ANKFY1: variants seen among roughly 807,000 people sequenced by gnomAD.
The protein encoded by ANKFY1 is ankyrin repeat and FYVE domain containing 1.
ANKFY1 carries 47 observed loss-of-function variants against 128.3 expected under a neutral mutation model. The ratio of observed to expected loss-of-function variants is 0.37; its 90% CI spans 0.29 to 0.47. ANKFY1 has a LOEUF of 0.47. Ranked by LOEUF, ANKFY1 falls within the 20% of genes least tolerant of loss-of-function variation. The probability of loss-of-function intolerance (pLI) is 1.00; values close to 1 mark genes in which losing one functional copy is unlikely to be tolerated. For missense variants in ANKFY1, 1,222 were observed against 1,510.6 expected (o/e 0.81, Z 3.17); for synonymous variants, 553 against 601.6 (o/e 0.92, Z 1.18).
chr17:4,216,558 G>A (rs980933983), intron 4 of ANKFY1: 7 of 264,568 alleles, frequency 2.6e-5, no homozygotes, highest in South Asian at 1.3e-4. Flanking sequence ...CACTTATTTG[G>A]ACAATATTTT....
At position 4,204,027 on chromosome 17, in the gene ANKFY1, C is replaced by T. The variant is rs140522674; in HGVS notation, c.898+2294G>A. Among the ~76,000 whole-genome samples, 33 of 152,170 alleles carry T rather than the reference C, an allele frequency of 2.2e-4. 1 individual carries two copies. In the East Asian group the frequency reaches 4.1e-3, roughly 19 times the overall value. On this transcript the variant is annotated intron_variant, in intron 7 of 24. Transcript: ENST00000341657. Reference sequence around the variant, plus strand: ...GTGGACTCCCCCAAGACACTGCCTGCCTGTTCCACTCTTTAGATAAAATGA... The same window carrying T: ...GTGGACTCCCCCAAGACACTGCCTGTCTGTTCCACTCTTTAGATAAAATGA...
intron 16 of ANKFY1, chr17:4,180,141 G>C (rs1036104436): frequency 6.9e-5 from 31 of 447,768 alleles, no homozygotes; most frequent in Non-Finnish European, 1.2e-4. Flanking sequence ...TAAAGCCTGA[G>C]AACCAGCCGG....
intron 1 of ANKFY1, among the ~76,000 whole-genome samples, chr17:4,243,983 T>A (rs1328541554): frequency 1.3e-5 from 2 of 150,274 alleles, no homozygotes; most frequent in Non-Finnish European, 3.0e-5. Flanking sequence ...TGGGCTAGAG[T>A]GCAGTGGCAC....
At chr17:4,183,217 T>C (rs1160360652) in intron 14 of ANKFY1, among the ~76,000 whole-genome samples, 181 bp downstream of exon 14, 3 of 152,242 alleles carry the variant, frequency 2.0e-5, no homozygotes, top group South Asian at 2.1e-4. Flanking sequence ...CTTTCCGCCA[T>C]TACAATCAAG....
chr17:4,247,677 G>T (rs765927514), intron 1 of ANKFY1, among the ~76,000 whole-genome samples: 1 of 152,150 alleles, frequency 6.6e-6, no homozygotes, highest in African/African-American at 2.4e-5. Flanking sequence ...TCACCAAGCT[G>T]TACAGTTCTT....
chr17:4,179,862 G>A lies in ANKFY1; in HGVS notation c.2256C>T (p.Asn752=). The change falls in exon 17 of 25, where the codon AAC becomes AAT. Residue 752 remains asparagine, a synonymous_variant. Transcript: ENST00000341657. ...CATTGGCGCCTGGTTGTCTGGGACT[G>A]TTCACGTCACAGCCACTGAAAGGAA... ...CFLIRSGCDV[N]SPRQPGANGE... 6.2e-7 allele frequency: 1 copy of A among 1,614,166 alleles called. No individual in the cohort carries two copies. Among genetic ancestry groups the A allele is most frequent in the East Asian group, 2.2e-5 (1 of 44,890 alleles).
intron 3 of ANKFY1, among the ~76,000 whole-genome samples, chr17:4,231,482 C>T (rs2060511557): frequency 6.6e-6 from 1 of 151,778 alleles, no homozygotes; most frequent in Non-Finnish European, 1.5e-5. Context: ...CAGTGAGACC[C>T]TATCTCAAAA....
At chr17:4,240,375 T>G (rs570821807) in intron 2 of ANKFY1, among the ~76,000 whole-genome samples, 1 of 150,348 alleles carries the variant, frequency 6.7e-6, no homozygotes, top group Admixed American at 6.7e-5. Flanking sequence ...AACATTAGCA[T>G]GTTAATCTTT....
chr17:4,258,051 C>A (rs1968213641), intron 1 of ANKFY1, among the ~76,000 whole-genome samples: 1 of 152,120 alleles, frequency 6.6e-6, no homozygotes, highest in African/African-American at 2.4e-5. Flanking sequence ...TTTTATTTCT[C>A]AGTAAAAATA....
chr17:4,253,907 GA>G (rs1967974111), intron 1 of ANKFY1, among the ~76,000 whole-genome samples: 1 of 152,078 alleles, frequency 6.6e-6, no homozygotes, highest in Non-Finnish European at 1.5e-5. Flanking sequence ...CTAATCCCTG[GA>G]ACCTGGGAAT....
chr17:4,253,135 C>T (rs1250025266), intron 1 of ANKFY1, among the ~76,000 whole-genome samples: 3 of 152,004 alleles, frequency 2.0e-5, no homozygotes, highest in Non-Finnish European at 1.5e-5. Flanking sequence ...GCAGGAGAAT[C>T]GCTTGAACCC....
chr17:4,215,161 C>G (rs559351428), intron 4 of ANKFY1, among the ~76,000 whole-genome samples: 1 of 151,716 alleles, frequency 6.6e-6, no homozygotes, highest in African/African-American at 2.4e-5. Context: ...TGGTGGCAGT[C>G]GTCTGTAATC....
At chr17:4,222,970 T>G in intron 3 of ANKFY1, 3 of 1,192,886 alleles carry the variant, frequency 2.5e-6, no homozygotes, top group Middle Eastern at 2.0e-4. Context: ...GTCACTCTTT[T>G]GGAGGCCAAA....
At chr17:4,247,232 CCT>C (rs1221339605) in intron 1 of ANKFY1, among the ~76,000 whole-genome samples, 2 of 152,148 alleles carry the variant, frequency 1.3e-5, no homozygotes, top group Non-Finnish European at 2.9e-5. Flanking sequence ...CCATCTTCCC[CCT>C]CTCTGCTCTC....
intron 1 of ANKFY1, among the ~76,000 whole-genome samples, chr17:4,258,145 G>C (rs1968216454): frequency 6.6e-6 from 1 of 152,190 alleles, no homozygotes; most frequent in African/African-American, 2.4e-5. Flanking sequence ...GGTATAAAAG[G>C]AACAGTCCTT....
At chr17:4,235,931 T>C (rs781744537) in intron 2 of ANKFY1, 41 bp from the exon 3 acceptor site, 2 of 1,429,706 alleles carry the variant, frequency 1.4e-6, no homozygotes, top group Non-Finnish European at 2.0e-6. Context: ...AAAAATGTCA[T>C]CATAACTAGG....
Position 4,164,254 on chromosome 17 carries a change from G to C in ANKFY1, c.*3525C>G, listed in dbSNP as rs186934018. The C allele has an allele frequency of 5.2e-5, 8 of 152,810 alleles. No individual in the cohort carries two copies. In the East Asian group the frequency reaches 1.3e-3, roughly 26 times the overall value. 9.5% of individuals were successfully genotyped at this position (152,810 alleles called of 1,614,324 possible). A position where few individuals can be genotyped will look rare whatever the true frequency, so the allele number is the denominator to read the frequency against. Reference sequence around the variant, plus strand: ...CTGCAGAAAACCAATGTTGTCAGTTGTAACAGGTTAATATATTATTTATGC... The same window carrying C: ...CTGCAGAAAACCAATGTTGTCAGTTCTAACAGGTTAATATATTATTTATGC... On this transcript the variant is annotated 3_prime_UTR_variant, in exon 25 of 25. Transcript: ENST00000341657.
chr17:4,241,355 C>T (rs960251792), intron 2 of ANKFY1, among the ~76,000 whole-genome samples: 1 of 148,018 alleles, frequency 6.8e-6, no homozygotes, highest in African/African-American at 2.5e-5. Flanking sequence ...TCTCAGCTCA[C>T]TGCAAGCTCC....
At chr17:4,228,030 G>T (rs1320114849) in intron 3 of ANKFY1, among the ~76,000 whole-genome samples, 1 of 151,978 alleles carries the variant, frequency 6.6e-6, no homozygotes, top group South Asian at 2.1e-4. Context: ...CTACACAAAG[G>T]CCTTACACAA....
Sources: gnomAD v4.1 joint callset for allele counts (sites outside exome capture counted in the v4.1 genomes callset) on GRCh38, gnomAD v4.1.1 for gene constraint, MANE v1.5 for transcripts, NCBI Gene and HGNC (gene_info 2026-07-23, HGNC 2026-07-21) for gene names.